The following FBXO10 variants were observed in gnomAD, a reference collection of about 807,000 sequenced individuals.
FBXO10 encodes the protein F-box only protein 10.
Under a neutral mutation model 80.7 loss-of-function variants are expected in FBXO10, and 39 were observed. The observed-to-expected ratio is 0.48, with a 90% CI of 0.37 to 0.63. The LOEUF (loss-of-function observed/expected upper bound fraction) is 0.63, where lower values mean the gene tolerates loss of function less well. FBXO10 is among the 30% of genes least tolerant of loss of function. The pLI is 0.00. For synonymous variants in FBXO10, 449 were observed against 489.6 expected (o/e 0.92, Z 1.09); for missense variants, 1,025 against 1,269.0 (o/e 0.81, Z 2.92).
intron 1 of FBXO10, among the ~76,000 whole-genome samples, chr9:37,544,906 A>C (rs1038312748): frequency 1.1e-4 from 17 of 149,012 alleles, no homozygotes; most frequent in Non-Finnish European, 5.9e-5. Context: ...AGGCAGGAGA[A>C]TGGCGTGAAC....
chr9:37,567,140 CTTTTTT>C (rs369334837), intron 1 of FBXO10, among the ~76,000 whole-genome samples: 1 of 144,388 alleles, frequency 6.9e-6, no homozygotes, highest in African/African-American at 2.7e-5. Flanking sequence ...TTTTTTTTTT[CTTTTTT>C]TCTTTTTTTT....
chr9:37,567,010 AG>A (rs575971105), intron 1 of FBXO10, among the ~76,000 whole-genome samples: 1 of 152,194 alleles, frequency 6.6e-6, no homozygotes, highest in African/African-American at 2.4e-5. Flanking sequence ...GGGGAGTTGC[AG>A]GGGGGTCCCC....
intron 4 of FBXO10, among the ~76,000 whole-genome samples, chr9:37,530,056 T>G (rs1821579899): frequency 6.6e-6 from 1 of 152,190 alleles, no homozygotes; most frequent in African/African-American, 2.4e-5. Flanking sequence ...AAGCCAGATC[T>G]GAAATCTAGT....
intron 1 of FBXO10, among the ~76,000 whole-genome samples, chr9:37,547,862 G>A (rs992103053): frequency 2.0e-5 from 3 of 152,070 alleles, no homozygotes; most frequent in African/African-American, 7.2e-5. Context: ...GGAGGCTGAG[G>A]TGGGAGAATC....
chr9:37,530,779 A>C (rs180831526), intron 4 of FBXO10, among the ~76,000 whole-genome samples: 1 of 152,232 alleles, frequency 6.6e-6, no homozygotes, highest in African/African-American at 2.4e-5. Flanking sequence ...ATCTGGGACG[A>C]CAGGTGTGAG....
intron 1 of FBXO10, among the ~76,000 whole-genome samples, chr9:37,550,958 C>T (rs939181942): frequency 2.0e-5 from 3 of 152,168 alleles, no homozygotes; most frequent in Non-Finnish European, 4.4e-5. Flanking sequence ...ATATGGATGA[C>T]AGTCAAGGCA....
At position 37,522,940 on chromosome 9, in the gene FBXO10, G is replaced by A; in HGVS notation, c.1815C>T (p.Asp605=). The A allele has an allele frequency of 6.3e-7, 1 of 1,592,590 alleles. No homozygotes were observed. Among genetic ancestry groups the A allele is most frequent in the Non-Finnish European group, 8.5e-7 (1 of 1,169,862 alleles). The change falls in exon 7 of 11, where the codon GAC becomes GAT. Residue 605 remains aspartate (D), a synonymous_variant. Coordinates refer to ENST00000432825, the MANE Select transcript of FBXO10 (RefSeq NM_012166.3). ...GAACGGGGATCCCTCCACGGCGGATGTCCACACCTCCCCACTGATTCTCAC... is the reference window on the plus strand; with the variant it reads ...GAACGGGGATCCCTCCACGGCGGATATCCACACCTCCCCACTGATTCTCAC... The part of the protein sequence containing the change: ...VIRENQWGGV[D]IRRGGIPVLR...
chr9:37,570,918 C>T (rs996541613), intron 1 of FBXO10, among the ~76,000 whole-genome samples: 3 of 151,290 alleles, frequency 2.0e-5, no homozygotes, highest in African/African-American at 2.4e-5. Context: ...CGCTTGAAAC[C>T]GGAAGGCGGA....
intron 1 of FBXO10, among the ~76,000 whole-genome samples, chr9:37,556,533 ATTTTTTTTTTTTTTTTTT>A (rs60829486): frequency 2.7e-5 from 2 of 75,102 alleles, no homozygotes; most frequent in Non-Finnish European, 4.8e-5. Flanking sequence ...TTTGTTCTGG[ATTTTTTTTTTTTTTTTTT>A]TTTTTTTTTT....
chr9:37,549,075 G>C (rs573138018), intron 1 of FBXO10, among the ~76,000 whole-genome samples: 55 of 152,128 alleles, frequency 3.6e-4, no homozygotes, highest in Non-Finnish European at 6.5e-4. Context: ...CTCTGATCTT[G>C]TCAATTGTTG....
In FBXO10 at chr9:37,537,313, C is replaced by T. The variant is rs778776098; in HGVS notation, c.1216G>A (p.Val406Met). Residue 406 changes from valine (V) to methionine (M), a missense_variant, in exon 3 of 11, where the codon GTG becomes ATG. Physicochemically the swap from Val to Met is conservative, Grantham distance 21 (BLOSUM62 1). Around this residue, in one of 3 missense-constraint regions of FBXO10, gnomAD observed 478 missense variants for 667.8 expected, o/e 0.72. Coordinates refer to ENST00000432825, the MANE Select transcript of FBXO10 (RefSeq NM_012166.3). ...AGCTCCTGCTGCAGTGAGTTCAGCA[C>T]TAGGCAGCTGGGCAGCTGAATGGAT... ...GASIQLPSCL[V>M]LNSLQQELQK... The T allele has an allele frequency of 1.3e-5, 21 of 1,611,598 alleles. No individual in the cohort carries two copies. The highest frequency in any genetic ancestry group is 1.7e-5 in the Non-Finnish European group (20 of 1,178,766).
chr9:37,567,013 G>A (rs1171495648), intron 1 of FBXO10, among the ~76,000 whole-genome samples: 1 of 152,134 alleles, frequency 6.6e-6, no homozygotes. Flanking sequence ...GAGTTGCAGG[G>A]GGGTCCCCAG....
chr9:37,559,912 ATTGT>A (rs1360589206), intron 1 of FBXO10, among the ~76,000 whole-genome samples: 2 of 152,228 alleles, frequency 1.3e-5, no homozygotes, highest in African/African-American at 2.4e-5. Flanking sequence ...GAACTTGCAG[ATTGT>A]TTGTTACCAT....
rs373236102 is a variant in FBXO10 at position 37,512,753 on chromosome 9, C to T, written c.2697-32G>A. ...GTGCAAAACGAAAGTCAGTGAACTT[C>T]TGAGGGGTGTGCAGTGCTGGCTGAA... On this transcript the variant is annotated intron_variant, in intron 10 of 10. Coordinates refer to ENST00000432825, the MANE Select transcript of FBXO10 (RefSeq NM_012166.3). 1.7e-5 allele frequency: 27 copies of T among 1,601,306 alleles called. 1 individual carries two copies. The Middle Eastern group carries it at 2.0e-3, about 119-fold the overall frequency.
chr9:37,518,009 C>T, intron 9 of FBXO10, 116 bp downstream of exon 9: 1 of 1,103,206 alleles, frequency 9.1e-7, no homozygotes, highest in East Asian at 2.4e-5. Flanking sequence ...AGGAGGGATA[C>T]TGTCCCTTGT....
In FBXO10 at chr9:37,511,864, T is replaced by C. The variant is rs1406166663; in HGVS notation, c.*683A>G. On this transcript the variant is annotated 3_prime_UTR_variant, in exon 11 of 11. Transcript: ENST00000432825. ...ATTTGGGAGCTCTCTGGGGATGGAG[T>C]AGAGCCTTGTGCATCCCTGCCCACC... is the stretch of plus-strand genomic sequence containing the variant. The C allele has an allele frequency of 6.6e-6, 1 of 152,214 alleles. No individual in the cohort carries two copies. Among genetic ancestry groups the C allele is most frequent in the East Asian group, 1.9e-4 (1 of 5,178 alleles). 9.4% of individuals were successfully genotyped at this position (152,214 alleles called of 1,614,324 possible).
chr9:37,512,686 C>A lies in FBXO10; in HGVS notation c.2732G>T (p.Arg911Leu). 1 of 1,613,932 alleles carries A rather than the reference C, an allele frequency of 6.2e-7. No homozygotes were observed. The highest frequency in any genetic ancestry group is 8.5e-7 in the Non-Finnish European group (1 of 1,179,856). ...DTWRLVNPPA[R>L]PHLENSLRRP... is the part of the protein sequence containing the mutation. ...TCTGAGAGAATTTTCAAGGTGGGGC[C>A]GTGCTGGTGGGTTCACCAGGCGCCA... Residue 911 changes from arginine (R) to leucine (L), a missense_variant, in exon 11 of 11, where the codon CGG becomes CTG. Physicochemically the swap from Arg to Leu is moderately radical, Grantham distance 102 (BLOSUM62 -2). This residue lies in a region of FBXO10 where 97 missense variants were observed against 101.8 expected (regional missense o/e 0.95). Transcript: ENST00000432825.
intron 1 of FBXO10, among the ~76,000 whole-genome samples, chr9:37,553,566 A>G (rs1321384383): frequency 3.3e-5 from 5 of 152,040 alleles, no homozygotes; most frequent in Non-Finnish European, 5.9e-5. Flanking sequence ...GTCTTTAAAA[A>G]ATGTTCATTG....
At position 37,511,798 on chromosome 9, in the gene FBXO10, G is replaced by C. The variant is rs1175640525; in HGVS notation, c.*749C>G. On this transcript the variant is annotated 3_prime_UTR_variant, in exon 11 of 11. Coordinates refer to ENST00000432825, the MANE Select transcript of FBXO10 (RefSeq NM_012166.3). ...AACAGGCTGATGCTCAGGAGGGGCG[G>C]CTGGTGTGGGCACGCTCACATGGGG... 1 of 152,554 alleles carries C rather than the reference G, an allele frequency of 6.6e-6. No individual in the cohort carries two copies. The highest frequency in any genetic ancestry group is 2.4e-5 in the African/African-American group (1 of 41,448). The allele number at this position is 152,554 out of a possible 1,614,324, so 9.5% of individuals were successfully genotyped here.
Sources: gnomAD v4.1 joint callset for allele counts (sites outside exome capture counted in the v4.1 genomes callset) on GRCh38, gnomAD v4.1.1 for gene constraint, gnomAD v4.1.1 regional missense constraint, MANE v1.5 for transcripts, NCBI Gene and HGNC (gene_info 2026-07-23, HGNC 2026-07-21) for gene names.